The following CSPP1 variants were observed in gnomAD, a reference collection of about 807,000 sequenced individuals.
CSPP1 encodes the protein centrosome and spindle pole-associated protein 1.
In CSPP1, 126 loss-of-function variants were observed where a neutral mutation model predicts 164.4. The ratio of observed to expected loss-of-function variants is 0.77; its 90% CI spans 0.66 to 0.89. CSPP1 has a LOEUF of 0.89. Among genes scored for constraint, CSPP1 ranks in the 40% least tolerant of loss-of-function variants. CSPP1 has a pLI of 0.00. For missense variants in CSPP1, 1,395 were observed against 1,449.8 expected, an observed-to-expected ratio of 0.96 and a Z score of 0.61; for synonymous variants, 472 against 476.7, an observed-to-expected ratio of 0.99 and a Z score of 0.13.
intron 19 of CSPP1, among the ~76,000 whole-genome samples, chr8:67,157,318 C>CA (rs2129559824): frequency 6.6e-6 from 1 of 150,754 alleles, no homozygotes; most frequent in South Asian, 2.1e-4. Context: ...TTTTTAAAGA[C>CA]AGAGTCTCAT....
At chr8:67,105,856 A>T in intron 8 of CSPP1, 49 bp from the exon 9 acceptor site, 1 of 1,097,530 alleles carries the variant, frequency 9.1e-7, no homozygotes. Flanking sequence ...GCTTCCTGAA[A>T]ATTATCTGGA....
chr8:67,193,129 CTTTTTTTTT>C (rs764770369), intron 29 of CSPP1, among the ~76,000 whole-genome samples: 2 of 151,258 alleles, frequency 1.3e-5, no homozygotes, highest in Non-Finnish European at 3.0e-5. Context: ...TGGTTTTTTT[CTTTTTTTTT>C]GAGATAGAGT....
chr8:67,190,831 T>A (rs747358178), intron 29 of CSPP1, 72 bp downstream of exon 29: 48 of 1,092,338 alleles, frequency 4.4e-5, no homozygotes, highest in Non-Finnish European at 6.3e-5. Context: ...CTGTGCTAAA[T>A]CTGTGTGGCC....
Position 67,167,257 on chromosome 8 carries a change from G to A in CSPP1, c.2828+2749G>A, listed in dbSNP as rs574525890. Among the ~76,000 whole-genome samples the A allele has an allele frequency of 2.0e-5, 3 of 152,250 alleles. No homozygotes were observed. The South Asian group carries it at 6.2e-4, about 32-fold the overall frequency. On this transcript the variant is annotated intron_variant, in intron 24 of 30. Transcript: ENST00000678616. ...GTTGGGTACACCTCCCAGACGGGGT[G>A]GCGGCTGGGCAGAGGGGCTCCTCAC... is the stretch of plus-strand genomic sequence containing the variant.
At chr8:67,118,024 C>T (rs562947874) in intron 13 of CSPP1, among the ~76,000 whole-genome samples, 1 of 152,158 alleles carries the variant, frequency 6.6e-6, no homozygotes, top group African/African-American at 2.4e-5. Flanking sequence ...GAATATTAAC[C>T]CAGGTTTTTA....
chr8:67,148,301 A>T (rs540546324), intron 17 of CSPP1, among the ~76,000 whole-genome samples: 9 of 152,268 alleles, frequency 5.9e-5, no homozygotes, highest in Admixed American at 2.0e-4. Flanking sequence ...AGCCATTGAC[A>T]TGTGTTTTAG....
intron 28 of CSPP1, among the ~76,000 whole-genome samples, chr8:67,189,772 A>T (rs969942383): frequency 5.3e-5 from 8 of 152,170 alleles, no homozygotes; most frequent in African/African-American, 1.9e-4. Context: ...CCCCCCAAAT[A>T]TATATAGAAA....
chr8:67,077,899 CAGAT>C lies in CSPP1; in HGVS notation c.199+1324_199+1327del, dbSNP rs530425618. On this transcript the variant is annotated intron_variant, in intron 3 of 30. Coordinates refer to ENST00000678616, the MANE Select transcript of CSPP1 (RefSeq NM_001382391.1). ...AAAGTGAGTGCCCTACTTTTAATAT[CAGAT>C]AGATAACTCTTTCCATTTTGAATCT... is the stretch of plus-strand genomic sequence containing the variant. Among the ~76,000 whole-genome samples the C allele has an allele frequency of 6.8e-3, 1,030 of 152,252 alleles. 8 individuals are homozygous for C. Among genetic ancestry groups the C allele is most frequent in the Admixed American group, 0.01 (159 of 15,294 alleles).
chr8:67,113,059 C>G (rs1157339849), intron 10 of CSPP1, among the ~76,000 whole-genome samples: 1 of 152,150 alleles, frequency 6.6e-6, no homozygotes, highest in Non-Finnish European at 1.5e-5. Context: ...TCCTGGCTAA[C>G]ACGGTGAAAC....
chr8:67,088,841 G>T (rs924051755), intron 4 of CSPP1, among the ~76,000 whole-genome samples: 4 of 151,078 alleles, frequency 2.6e-5, no homozygotes, highest in East Asian at 2.0e-4. Flanking sequence ...AGCTTGCAGT[G>T]AGCCGAGATC....
At chr8:67,128,783 T>C (rs1251629791) in intron 15 of CSPP1, among the ~76,000 whole-genome samples, 1 of 152,172 alleles carries the variant, frequency 6.6e-6, no homozygotes, top group South Asian at 2.1e-4. Flanking sequence ...TTAGAATTAC[T>C]CTCGAATATA....
intron 19 of CSPP1, among the ~76,000 whole-genome samples, chr8:67,156,267 G>A (rs1487402950): frequency 6.6e-6 from 1 of 151,850 alleles, no homozygotes; most frequent in Admixed American, 6.6e-5. Context: ...TGCCCAGGGT[G>A]TCACAGCTAG....
chr8:67,141,488 A>G (rs999905266), intron 17 of CSPP1, among the ~76,000 whole-genome samples: 4 of 152,190 alleles, frequency 2.6e-5, no homozygotes, highest in East Asian at 1.9e-4. Context: ...CTTAAAGAGT[A>G]TCAGTTTATT....
At chr8:67,118,002 T>C (rs1399589832) in intron 13 of CSPP1, among the ~76,000 whole-genome samples, 1 of 152,220 alleles carries the variant, frequency 6.6e-6, no homozygotes, top group Admixed American at 6.5e-5. Flanking sequence ...GCCTATTGGA[T>C]ATTAATTGAT....
At chr8:67,131,491 A>T (rs1821224746) in intron 15 of CSPP1, among the ~76,000 whole-genome samples, 1 of 152,206 alleles carries the variant, frequency 6.6e-6, no homozygotes, top group Non-Finnish European at 1.5e-5. Flanking sequence ...CAAAAATATT[A>T]ATTTTATTTG....
Position 67,154,144 on chromosome 8 carries a change from G to C in CSPP1, c.2241+8G>C. 1 of 1,276,378 alleles carries C rather than the reference G, an allele frequency of 7.8e-7. No homozygotes were observed. 79.1% of individuals were successfully genotyped at this position (1,276,378 alleles called of 1,614,324 possible). On this transcript the variant is annotated splice_region_variant and intron_variant, in intron 19 of 30. Transcript: ENST00000678616. ...AATTTTCTTCGTTTCCAGGTGAAAT[G>C]CTATTTGATCAGTTTCAAAGTTTCA...
intron 21 of CSPP1, among the ~76,000 whole-genome samples, chr8:67,161,277 A>G (rs908451414): frequency 1.3e-5 from 2 of 151,918 alleles, no homozygotes; most frequent in African/African-American, 4.8e-5. Context: ...CTCTACAGGG[A>G]TTTAGAATGT....
At chr8:67,147,924 A>T (rs1466424052) in intron 17 of CSPP1, among the ~76,000 whole-genome samples, 1 of 151,164 alleles carries the variant, frequency 6.6e-6, no homozygotes, top group Non-Finnish European at 1.5e-5. Flanking sequence ...AACCATTTTT[A>T]TTTTTATTTT....
intron 7 of CSPP1, among the ~76,000 whole-genome samples, chr8:67,096,565 C>CA (rs531704184): frequency 1.3e-3 from 153 of 116,910 alleles, no homozygotes; most frequent in African/African-American, 1.4e-3. Flanking sequence ...ACTCTGTCTC[C>CA]AAAAAAAAAA....
Sources: gnomAD v4.1 joint callset for allele counts (sites outside exome capture counted in the v4.1 genomes callset) on GRCh38, gnomAD v4.1.1 for gene constraint, MANE v1.5 for transcripts, NCBI Gene and HGNC (gene_info 2026-07-23, HGNC 2026-07-21) for gene names.